The following NOX4 variants were observed in gnomAD, a reference collection of about 807,000 sequenced individuals.
The protein encoded by NOX4 is kidney oxidase-1.
NOX4 carries 69 observed loss-of-function variants against 87.6 expected under a neutral mutation model. The observed-to-expected ratio is 0.79, with a 90% confidence interval of 0.65 to 0.96. The LOEUF (loss-of-function observed/expected upper bound fraction) is 0.96, where lower values mean the gene tolerates loss of function less well. Ranked by LOEUF, NOX4 falls within the 40% of genes least tolerant of loss-of-function variation. NOX4 has a pLI of 0.00. For synonymous variants in NOX4, 275 were observed against 238.2 expected, an observed-to-expected ratio of 1.15 and a Z score of -1.42; for missense variants, 680 against 681.5, an observed-to-expected ratio of 1.00 and a Z score of 0.02.
chr11:89,455,725 T>C (rs1035342691), intron 2 of NOX4, among the ~76,000 whole-genome samples: 1 of 138,684 alleles, frequency 7.2e-6, no homozygotes, highest in African/African-American at 3.0e-5. Flanking sequence ...AAGTCATATA[T>C]ATATATATAT....
intron 6 of NOX4, among the ~76,000 whole-genome samples, chr11:89,437,101 G>A (rs1039784113): frequency 9.2e-5 from 14 of 151,932 alleles, no homozygotes; most frequent in African/African-American, 3.4e-4. Context: ...AGTGGCTCAC[G>A]CCTGTAATCT....
At chr11:89,487,440 G>A (rs1946674096) in intron 2 of NOX4, among the ~76,000 whole-genome samples, 1 of 151,400 alleles carries the variant, frequency 6.6e-6, no homozygotes, top group African/African-American at 2.4e-5. Context: ...GGTCCTTCCT[G>A]TACTAGTACA....
chr11:89,542,953 G>A, the NOX4 span, among the ~76,000 whole-genome samples: 2 of 152,102 alleles, frequency 1.3e-5, no homozygotes, highest in South Asian at 4.1e-4. Flanking sequence ...TTCTGTTGGA[G>A]GAGCAGACCT....
chr11:89,434,265 T>C (rs1388695179), intron 6 of NOX4, among the ~76,000 whole-genome samples: 1 of 152,202 alleles, frequency 6.6e-6, no homozygotes, highest in East Asian at 1.9e-4. Context: ...ATTTCACTTA[T>C]AAAGCACCAC....
chr11:89,560,291 T>C, the NOX4 span, among the ~76,000 whole-genome samples: 2 of 152,156 alleles, frequency 1.3e-5, no homozygotes, highest in East Asian at 3.9e-4. Context: ...GATTTTCTCC[T>C]ACAGGTTTCA....
intron 11 of NOX4, among the ~76,000 whole-genome samples, chr11:89,384,714 C>T (rs1940559573): frequency 6.6e-6 from 1 of 152,184 alleles, no homozygotes; most frequent in Non-Finnish European, 1.5e-5. Context: ...CTCATCCCAA[C>T]CATTTTTCAT....
chr11:89,456,713 G>A (rs1459723405), intron 2 of NOX4, among the ~76,000 whole-genome samples: 1 of 152,136 alleles, frequency 6.6e-6, no homozygotes, highest in Non-Finnish European at 1.5e-5. Flanking sequence ...TGACTCCCAC[G>A]GACACTTGAG....
chr11:89,383,334 G>A (rs1009301102), intron 11 of NOX4, among the ~76,000 whole-genome samples: 9 of 152,132 alleles, frequency 5.9e-5, no homozygotes, highest in Non-Finnish European at 8.8e-5. Context: ...CCATCTATGC[G>A]GGACCCCGTT....
At chr11:89,394,984 G>A (rs1941375611) in intron 11 of NOX4, among the ~76,000 whole-genome samples, 1 of 152,144 alleles carries the variant, frequency 6.6e-6, no homozygotes, top group African/African-American at 2.4e-5. Flanking sequence ...TGTCTTTATA[G>A]TAGCATGATT....
upstream of NOX4, among the ~76,000 whole-genome samples, chr11:89,492,712 C>G (rs1489768143): frequency 6.6e-6 from 1 of 152,066 alleles, no homozygotes; most frequent in African/African-American, 2.4e-5. Context: ...CATGTGACAC[C>G]TAAAGGATCA....
Position 89,438,827 on chromosome 11 carries a change from ATCT to A in NOX4, c.475+1858_475+1860del, listed in dbSNP as rs1184843014. Among the ~76,000 whole-genome samples, 92 of 45,998 alleles carry A rather than the reference ATCT, an allele frequency of 2.0e-3. 1 individual carries two copies. In the African/African-American group the frequency reaches 0.021, roughly 10 times the overall value. 30.2% of individuals were successfully genotyped at this position (45,998 alleles called of 152,430 possible). A position where few individuals can be genotyped will look rare whatever the true frequency, so the allele number is the denominator to read the frequency against. On this transcript the variant is annotated intron_variant, in intron 6 of 17. Transcript: ENST00000263317. ...TTATATATTATATATATTATATAAT[ATCT>A]TATATATTATATATATTATATAATA...
chr11:89,489,727 CAA>C (rs35606793), intron 2 of NOX4, among the ~76,000 whole-genome samples: 4 of 118,494 alleles, frequency 3.4e-5, no homozygotes, highest in Non-Finnish European at 3.6e-5. Context: ...GACTCTGTCT[CAA>C]AAAAAAAAAA....
At chr11:89,530,315 T>C in the NOX4 span, among the ~76,000 whole-genome samples, 8 of 150,560 alleles carry the variant, frequency 5.3e-5, no homozygotes, top group African/African-American at 1.7e-4. Flanking sequence ...ACATTCTTAG[T>C]TGATCTTCAC....
At chr11:89,393,923 C>A (rs1941296101) in intron 11 of NOX4, among the ~76,000 whole-genome samples, 1 of 152,144 alleles carries the variant, frequency 6.6e-6, no homozygotes, top group Admixed American at 6.6e-5. Context: ...TCTCAGTCGT[C>A]TTCTACCTCC....
chr11:89,394,653 GC>G (rs1941352951), intron 11 of NOX4, among the ~76,000 whole-genome samples: 2 of 150,644 alleles, frequency 1.3e-5, no homozygotes, highest in South Asian at 2.1e-4. Flanking sequence ...CCCTCCCCTA[GC>G]CCCCCACCCC....
the NOX4 span, among the ~76,000 whole-genome samples, chr11:89,579,514 A>G: frequency 1.3e-5 from 2 of 152,170 alleles, no homozygotes; most frequent in East Asian, 3.8e-4. Context: ...CATAGAATAT[A>G]CAACATAAAG....
At chr11:89,441,655 C>T (rs1031739867) in intron 5 of NOX4, among the ~76,000 whole-genome samples, 3 of 152,026 alleles carry the variant, frequency 2.0e-5, no homozygotes, top group Non-Finnish European at 4.4e-5. Flanking sequence ...ATAAAAATAT[C>T]ATATGGGCTG....
chr11:89,469,149 G>A (rs1005194437), intron 2 of NOX4, among the ~76,000 whole-genome samples: 1 of 152,064 alleles, frequency 6.6e-6, no homozygotes, highest in South Asian at 2.1e-4. Flanking sequence ...ACCTGTTTTG[G>A]CAAATTAACT....
intron 13 of NOX4, 52 bp from the exon 14 acceptor site, chr11:89,342,245 A>G: frequency 6.4e-7 from 1 of 1,555,310 alleles, no homozygotes; most frequent in Non-Finnish European, 8.8e-7. Context: ...AGTGAAATTA[A>G]TTTTCTGTAC....
Sources: allele counts gnomAD v4.1 joint callset (sites outside exome capture counted in the v4.1 genomes callset), GRCh38; gene constraint gnomAD v4.1.1; transcripts MANE v1.5; gene names NCBI Gene and HGNC (gene_info 2026-07-23, HGNC 2026-07-21).